THADA: variants seen among roughly 807,000 people sequenced by gnomAD.
THADA encodes the protein THADA armadillo repeat containing.
THADA carries 213 observed loss-of-function variants against 219.8 expected under a neutral mutation model. That is an observed-to-expected ratio of 0.97 (90% confidence interval 0.87 to 1.09). The LOEUF is 1.09. Among genes scored for constraint, THADA ranks in the 50% least tolerant of loss-of-function variants. The pLI, the probability that THADA is intolerant of heterozygous loss-of-function variation, is 0.00. For synonymous variants in THADA, 1,018 were observed against 828.9 expected (o/e 1.23, Z -3.92); for missense variants, 2,956 against 2,311.3 (o/e 1.28, Z -5.72).
intron 30 of THADA, among the ~76,000 whole-genome samples, chr2:43,338,502 A>G (rs1018077622): frequency 1.3e-5 from 2 of 152,116 alleles, no homozygotes; most frequent in Admixed American, 6.5e-5. Flanking sequence ...TATATCCATT[A>G]AACAATGCCC....
intron 25 of THADA, among the ~76,000 whole-genome samples, chr2:43,495,244 T>C (rs564789222): frequency 6.6e-6 from 1 of 152,332 alleles, no homozygotes; most frequent in Admixed American, 6.5e-5. Flanking sequence ...TAACCATTGA[T>C]AATATTAAGT....
chr2:43,563,464 T>C (rs1698315049), intron 15 of THADA: 1 of 152,190 alleles, frequency 6.6e-6, no homozygotes, highest in Admixed American at 6.5e-5. Flanking sequence ...ATAAATAATC[T>C]ACATAATCTT....
chr2:43,586,919 G>A lies in THADA; in HGVS notation c.386C>T (p.Thr129Ile), dbSNP rs777782318. Residue 129 changes from threonine to isoleucine, a missense_variant, in exon 5 of 38, where the codon ACT becomes ATT. Physicochemically the swap from Thr to Ile is moderately conservative, Grantham distance 89. Transcript: ENST00000405975. ...AACTTTCCTGTAAGAGTATAAGTCA[G>A]TAGTATTCAATTCTTCCTGAAGACG... is the stretch of plus-strand genomic sequence containing the variant. ...TSRLQEELNT[T>I]DLYSYRKVTD... The A allele has an allele frequency of 1.2e-6, 2 of 1,613,836 alleles. No individual in the cohort carries two copies. Among genetic ancestry groups the A allele is most frequent in the Non-Finnish European group, 1.7e-6 (2 of 1,179,798 alleles).
intron 36 of THADA, among the ~76,000 whole-genome samples, chr2:43,236,695 A>G (rs1023185447): frequency 3.3e-5 from 5 of 152,162 alleles, no homozygotes; most frequent in African/African-American, 9.7e-5. Flanking sequence ...ATCCAAAACA[A>G]TCTTGAAAAA....
At position 43,586,209 on chromosome 2, in the gene THADA, G is replaced by A. The variant is rs575689685; in HGVS notation, c.533+192C>T. 5.3e-5 allele frequency among the ~76,000 whole-genome samples: 8 copies of A among 152,110 alleles called. No homozygotes were observed. In the South Asian group the frequency reaches 1.2e-3, roughly 24 times the overall value. On this transcript the variant is annotated intron_variant, in intron 7 of 37. Transcript: ENST00000405975. ...GAGCCCAGGAGGTTGAGGCTGCAGC[G>A]AGCTATGATCACACCACTGCACTAC...
chr2:43,302,556 T>C (rs1038795852), intron 31 of THADA, among the ~76,000 whole-genome samples: 4 of 152,076 alleles, frequency 2.6e-5, no homozygotes, highest in African/African-American at 9.7e-5. Flanking sequence ...CCTACTGTGC[T>C]ATGTCCTGGT....
intron 28 of THADA, among the ~76,000 whole-genome samples, chr2:43,423,145 T>TAC (rs1469530426): frequency 8.7e-5 from 13 of 149,362 alleles, no homozygotes; most frequent in Admixed American, 7.3e-4. Flanking sequence ...GTAATGGTCT[T>TAC]ATGCCTGAAT....
At chr2:43,242,130 G>A (rs1668683922) in intron 36 of THADA, among the ~76,000 whole-genome samples, 1 of 152,238 alleles carries the variant, frequency 6.6e-6, no homozygotes, top group Non-Finnish European at 1.5e-5. Context: ...TCTGCACAGT[G>A]CTCAAGGTGT....
At chr2:43,533,203 C>T (rs1374147130) in intron 21 of THADA, among the ~76,000 whole-genome samples, 1 of 152,182 alleles carries the variant, frequency 6.6e-6, no homozygotes, top group Non-Finnish European at 1.5e-5. Context: ...CATCTCATGC[C>T]AGTTAGAATG....
intron 26 of THADA, chr2:43,484,531 A>C (rs1488856322): frequency 1.2e-5 from 2 of 169,112 alleles, no homozygotes; most frequent in Non-Finnish European, 2.9e-5. Context: ...CAATTAGATT[A>C]CCATTAAATC....
chr2:43,572,776 T>A, intron 12 of THADA, 38 bp downstream of exon 12: 1 of 1,586,734 alleles, frequency 6.3e-7, no homozygotes, highest in South Asian at 1.1e-5. Context: ...GAAAGGGATC[T>A]ACTGCATGTA....
intron 24 of THADA, among the ~76,000 whole-genome samples, chr2:43,502,504 G>A (rs1452209099): frequency 6.7e-6 from 1 of 148,176 alleles, no homozygotes; most frequent in Non-Finnish European, 1.5e-5. Flanking sequence ...AGAATCGCTT[G>A]AACCTGGAAG....
intron 36 of THADA, among the ~76,000 whole-genome samples, chr2:43,259,038 A>G (rs1432789762): frequency 1.3e-5 from 2 of 152,030 alleles, no homozygotes; most frequent in African/African-American, 2.4e-5. Context: ...AATGAAACAC[A>G]GTCTGTAAGT....
chr2:43,388,362 G>A (rs990622458), intron 29 of THADA, among the ~76,000 whole-genome samples: 1 of 152,142 alleles, frequency 6.6e-6, no homozygotes, highest in East Asian at 1.9e-4. Flanking sequence ...GTCATATGAA[G>A]TCTCAGACAG....
intron 17 of THADA, among the ~76,000 whole-genome samples, 165 bp from the exon 18 acceptor site, chr2:43,552,504 T>C (rs1420704069): frequency 6.6e-6 from 1 of 152,180 alleles, no homozygotes; most frequent in East Asian, 1.9e-4. Flanking sequence ...GGGTGGCTCA[T>C]TTCTAGGCAG....
chr2:43,306,912 T>G (rs1436629686), intron 31 of THADA, among the ~76,000 whole-genome samples: 2 of 152,184 alleles, frequency 1.3e-5, no homozygotes, highest in African/African-American at 4.8e-5. Flanking sequence ...AATGTTGGCT[T>G]TTTCTTGTAA....
chr2:43,304,820 A>G (rs904757841), intron 31 of THADA, among the ~76,000 whole-genome samples: 1 of 151,994 alleles, frequency 6.6e-6, no homozygotes, highest in African/African-American at 2.4e-5. Flanking sequence ...TACAGGCGCC[A>G]GCCATCAAGC....
chr2:43,243,645 A>C lies in THADA; in HGVS notation c.5297-10763T>G, dbSNP rs551420710. 8.3e-4 allele frequency among the ~76,000 whole-genome samples: 127 copies of C among 152,244 alleles called. 1 individual carries two copies. The South Asian group carries it at 0.025, about 31-fold the overall frequency. The stretch of plus-strand genomic sequence containing the variant: ...GGGCAGAGAGGTGGCCACAAATGAG[A>C]AGCAGCCCCTTCCCAGGCACAACCT... On this transcript the variant is annotated intron_variant, in intron 36 of 37. Transcript: ENST00000405975.
rs190254946 is a variant in THADA at position 43,553,298 on chromosome 2, C to A, written c.2675-959G>T. Among the ~76,000 whole-genome samples the A allele has an allele frequency of 2.4e-4, 37 of 152,300 alleles. No homozygotes were observed. In the East Asian group the frequency reaches 7.1e-3, roughly 29 times the overall value. ...GACTACATGTTTGTGCTTCCTCCCC[C>A]ACCCCAATATTGGTATTTTGAAGTC... On this transcript the variant is annotated intron_variant, in intron 17 of 37. Transcript: ENST00000405975.
Sources: allele counts gnomAD v4.1 joint callset (sites outside exome capture counted in the v4.1 genomes callset), GRCh38; gene constraint gnomAD v4.1.1; transcripts MANE v1.5; gene names NCBI Gene and HGNC (gene_info 2026-07-23, HGNC 2026-07-21).